Variants in ELMO1 observed in about 807,000 individuals in gnomAD.
The protein encoded by ELMO1 is engulfment and cell motility protein 1.
In ELMO1, 26 loss-of-function variants were observed where a neutral mutation model predicts 98.9. The observed-to-expected ratio is 0.26, with a 90% CI of 0.19 to 0.36. The LOEUF is 0.36. Among genes scored for constraint, ELMO1 ranks in the 10% least tolerant of loss-of-function variants. The pLI is 1.00. For missense variants in ELMO1, 627 were observed against 935.2 expected (o/e 0.67, Z 4.30); for synonymous variants, 346 against 346.0 (o/e 1.00, Z 0.00).
At chr7:36,892,506 C>G (rs1805648999) in intron 17 of ELMO1, among the ~76,000 whole-genome samples, 1 of 152,142 alleles carries the variant, frequency 6.6e-6, no homozygotes, top group African/African-American at 2.4e-5. Context: ...GCCCCCAGCA[C>G]CTTGAGCAGG....
At chr7:36,872,269 G>C (rs1421963411) in intron 19 of ELMO1, among the ~76,000 whole-genome samples, 1 of 152,170 alleles carries the variant, frequency 6.6e-6, no homozygotes, top group Non-Finnish European at 1.5e-5. Context: ...AGGAGGCTCA[G>C]GGAGGACAAG....
At chr7:37,214,136 C>T (rs1215942619) in intron 11 of ELMO1, among the ~76,000 whole-genome samples, 1 of 152,174 alleles carries the variant, frequency 6.6e-6, no homozygotes, top group Admixed American at 6.5e-5. Flanking sequence ...TAGGTCCACC[C>T]CCAATCCCCT....
chr7:37,245,617 G>A (rs1794966944), intron 6 of ELMO1, among the ~76,000 whole-genome samples: 1 of 152,066 alleles, frequency 6.6e-6, no homozygotes, highest in Non-Finnish European at 1.5e-5. Context: ...AAAAGGCATT[G>A]GGCAGGGTGA....
intron 13 of ELMO1, among the ~76,000 whole-genome samples, chr7:37,145,574 G>A (rs549029101): frequency 6.6e-6 from 1 of 152,350 alleles, no homozygotes; most frequent in Non-Finnish European, 1.5e-5. Flanking sequence ...TCCTGGTTGG[G>A]AAAACAGTAC....
intron 16 of ELMO1, 39 bp downstream of exon 16, chr7:37,013,260 C>T (rs2129172794): frequency 6.2e-7 from 1 of 1,611,288 alleles, no homozygotes; most frequent in Non-Finnish European, 8.5e-7. Context: ...CCCTTTAGCG[C>T]TGCGGGAATC....
chr7:37,118,809 T>C (rs1430317455), intron 14 of ELMO1, among the ~76,000 whole-genome samples: 1 of 151,828 alleles, frequency 6.6e-6, no homozygotes, highest in Non-Finnish European at 1.5e-5. Context: ...GGGGAGGGAG[T>C]GTAAGCCCTG....
chr7:37,180,487 G>A (rs1790780303), intron 13 of ELMO1, among the ~76,000 whole-genome samples: 1 of 152,138 alleles, frequency 6.6e-6, no homozygotes, highest in Admixed American at 6.5e-5. Flanking sequence ...GAAAGGCAAA[G>A]CACTATTCCA....
At chr7:36,984,089 G>A (rs980843539) in intron 16 of ELMO1, among the ~76,000 whole-genome samples, 2 of 152,020 alleles carry the variant, frequency 1.3e-5, no homozygotes, top group Non-Finnish European at 2.9e-5. Flanking sequence ...GGAGAGAAGA[G>A]GCCAAGGCGA....
intron 14 of ELMO1, among the ~76,000 whole-genome samples, chr7:37,125,119 T>C (rs1786406670): frequency 6.6e-6 from 1 of 152,052 alleles, no homozygotes; most frequent in Non-Finnish European, 1.5e-5. Context: ...TCCTTACACC[T>C]TATACAAAAA....
chr7:37,321,728 A>AAAAAAAAAAAAAAAAAAAAAAC (rs1799513572), intron 2 of ELMO1, among the ~76,000 whole-genome samples: 1 of 150,384 alleles, frequency 6.6e-6, no homozygotes, highest in Non-Finnish European at 1.5e-5. Flanking sequence ...AAAAAAAAAA[A>AAAAAAAAAAAAAAAAAAAAAAC]AAAAAAAAAA....
rs1353918819 is a variant in ELMO1, at chr7:36,887,543, G to A, written c.1714+17C>T. 1.2e-6 allele frequency: 2 copies of A among 1,612,192 alleles called. No individual in the cohort carries two copies. The highest frequency in any genetic ancestry group is 2.7e-5 in the African/African-American group (2 of 74,894). ...TGTTTACCCTATCCAAGTTTGGAGT[G>A]TCCCCAGAAACAATACCTTGCCTCC... On this transcript the variant is annotated intron_variant, in intron 18 of 21. Transcript: ENST00000310758.
chr7:36,865,615 T>C (rs1802980233), intron 20 of ELMO1, among the ~76,000 whole-genome samples: 1 of 152,234 alleles, frequency 6.6e-6, no homozygotes, highest in African/African-American at 2.4e-5. Context: ...TTTCCTCCTT[T>C]TGGAAAGTCT....
chr7:37,011,946 T>C (rs2129171843), intron 16 of ELMO1, among the ~76,000 whole-genome samples: 1 of 152,274 alleles, frequency 6.6e-6, no homozygotes, highest in Admixed American at 6.5e-5. Flanking sequence ...CCTAAGGAAA[T>C]TAATGGGCTT....
At chr7:37,325,405 T>C (rs1021762468) in intron 2 of ELMO1, among the ~76,000 whole-genome samples, 2 of 152,026 alleles carry the variant, frequency 1.3e-5, no homozygotes, top group African/African-American at 4.8e-5. Context: ...TTAGATTCTC[T>C]TTTTTTTCTG....
chr7:37,220,303 T>C lies in ELMO1; in HGVS notation c.780+2312A>G, dbSNP rs548803773. On this transcript the variant is annotated intron_variant, in intron 10 of 21. Transcript: ENST00000310758. ...TTATGAAGTCCACATCACTTTTCCATGGGCAAGTAAATTAAATACCTTGTA... is the reference window on the plus strand; with the variant it reads ...TTATGAAGTCCACATCACTTTTCCACGGGCAAGTAAATTAAATACCTTGTA... Among the ~76,000 whole-genome samples, 12 of 152,350 alleles carry C rather than the reference T, an allele frequency of 7.9e-5. No individual in the cohort carries two copies. The South Asian group carries it at 2.3e-3, about 29-fold the overall frequency.
intron 1 of ELMO1, among the ~76,000 whole-genome samples, chr7:37,386,294 C>G (rs1285580167): frequency 6.6e-6 from 1 of 151,844 alleles, no homozygotes; most frequent in East Asian, 1.9e-4. Context: ...GAATCAAGGA[C>G]TAGGTTTGGA....
intron 16 of ELMO1, among the ~76,000 whole-genome samples, chr7:36,978,702 A>G (rs1166183799): frequency 1.3e-5 from 2 of 152,318 alleles, no homozygotes; most frequent in African/African-American, 4.8e-5. Context: ...GCCGCCAGGC[A>G]TCTCCCTAGA....
intron 14 of ELMO1, among the ~76,000 whole-genome samples, chr7:37,124,840 C>A (rs1174271933): frequency 6.6e-6 from 1 of 152,148 alleles, no homozygotes; most frequent in African/African-American, 2.4e-5. Flanking sequence ...CAATCCTGAG[C>A]CAAAAGAACA....
chr7:37,446,570 AAAG>A (rs937924482), intron 1 of ELMO1, among the ~76,000 whole-genome samples: 2 of 152,180 alleles, frequency 1.3e-5, no homozygotes, highest in African/African-American at 4.8e-5. Flanking sequence ...ACTCAGTGAA[AAAG>A]AAGAATGTAA....
Sources: allele counts gnomAD v4.1 joint callset (sites outside exome capture counted in the v4.1 genomes callset), GRCh38; gene constraint gnomAD v4.1.1; transcripts MANE v1.5; gene names NCBI Gene and HGNC (gene_info 2026-07-23, HGNC 2026-07-21).